The following BMP5 variants were observed in gnomAD, a reference collection of about 807,000 sequenced individuals.
BMP5 encodes bone morphogenetic protein 5.
In BMP5, 23 loss-of-function variants were observed where a neutral mutation model predicts 46.6. That is an observed-to-expected ratio of 0.49 (90% CI 0.35 to 0.70). The LOEUF is 0.70. Among genes scored for constraint, BMP5 ranks in the 30% least tolerant of loss-of-function variants. The pLI, the probability that BMP5 is intolerant of heterozygous loss-of-function variation, is 0.00. For synonymous variants in BMP5, 204 were observed against 191.9 expected (o/e 1.06, Z -0.52); for missense variants, 545 against 565.6 (o/e 0.96, Z 0.37).
intron 4 of BMP5, among the ~76,000 whole-genome samples, chr6:55,765,129 C>T (rs2127517592): frequency 6.6e-6 from 1 of 152,022 alleles, no homozygotes; most frequent in South Asian, 2.1e-4. Flanking sequence ...CATGGACTGT[C>T]AAAGTTCTGC....
intron 2 of BMP5, among the ~76,000 whole-genome samples, chr6:55,801,663 T>C (rs1775851142): frequency 6.6e-6 from 1 of 152,202 alleles, no homozygotes; most frequent in Non-Finnish European, 1.5e-5. Context: ...CCCAGGAGGA[T>C]AAATCTCCAC....
At chr6:55,837,721 T>A (rs1055049824) in intron 1 of BMP5, among the ~76,000 whole-genome samples, 2 of 152,164 alleles carry the variant, frequency 1.3e-5, no homozygotes, top group African/African-American at 4.8e-5. Context: ...ATAGTCATTC[T>A]GTTGTGCTAC....
chr6:55,775,547 A>G lies in BMP5; in HGVS notation c.833-1304T>C, dbSNP rs372549791. Reference sequence around the variant, plus strand: ...GCTACTCTAGATACAGAAGTTAGCAATCTTTTAAGAGTAACATATAATGTG... The same window carrying G: ...GCTACTCTAGATACAGAAGTTAGCAGTCTTTTAAGAGTAACATATAATGTG... On this transcript the variant is annotated intron_variant, in intron 3 of 6. Coordinates refer to ENST00000370830, the MANE Select transcript of BMP5 (RefSeq NM_021073.4). 4.7e-4 allele frequency among the ~76,000 whole-genome samples: 72 copies of G among 152,114 alleles called. No individual in the cohort carries two copies. The South Asian group carries it at 0.013, about 28-fold the overall frequency.
intron 1 of BMP5, among the ~76,000 whole-genome samples, chr6:55,826,481 T>G: frequency 6.6e-6 from 1 of 151,812 alleles, no homozygotes; most frequent in South Asian, 2.1e-4. Context: ...GTTGATTGAA[T>G]ATTAGTTTAC....
chr6:55,821,839 T>A (rs772203616), intron 1 of BMP5, among the ~76,000 whole-genome samples: 7 of 152,278 alleles, frequency 4.6e-5, no homozygotes, highest in African/African-American at 1.4e-4. Context: ...CCTAAGTAGC[T>A]AGTAACTGAT....
In BMP5 at chr6:55,794,397, T is replaced by A. The variant is rs1269807334; in HGVS notation, c.714A>T (p.Arg238Ser). ...RDADLFLLDT[R>S]KAQALDVGWL... ...AACCCACATCTAAAGCTTGGGCCTT[T>A]CTTGTGTCTAACAAGAACAGATCTG... The change falls in exon 3 of 7, where the codon AGA (arginine) becomes AGT (serine). Residue 238 changes from arginine (R) to serine (S), a missense_variant. Arg to Ser is a moderately radical substitution (Grantham distance 110, BLOSUM62 -1). Coordinates refer to ENST00000370830, the MANE Select transcript of BMP5 (RefSeq NM_021073.4). 6.2e-7 allele frequency: 1 copy of A among 1,613,884 alleles called. No homozygotes were observed. The highest frequency in any genetic ancestry group is 8.5e-7 in the Non-Finnish European group (1 of 1,179,906).
chr6:55,849,865 A>G (rs1481992783), intron 1 of BMP5, among the ~76,000 whole-genome samples: 2 of 152,102 alleles, frequency 1.3e-5, no homozygotes, highest in East Asian at 3.9e-4. Context: ...CAACATGTAG[A>G]TGAGGACTAT....
chr6:55,825,501 C>T (rs941497655), intron 1 of BMP5, among the ~76,000 whole-genome samples: 7 of 151,778 alleles, frequency 4.6e-5, no homozygotes, highest in African/African-American at 1.7e-4. Context: ...CCTAAGTGCT[C>T]TGAATTGTCA....
chr6:55,759,172 A>AAAAAAAAAAAAAAAAAAAAAAAC (rs1562023483), intron 5 of BMP5, 57 bp from the exon 6 acceptor site: 18 of 738,844 alleles, frequency 2.4e-5, no homozygotes, highest in South Asian at 1.5e-4. Context: ...AAAAAAAAAA[A>AAAAAAAAAAAAAAAAAAAAAAAC]AAAAAAAAAA....
chr6:55,774,313 G>C, intron 3 of BMP5, 70 bp from the exon 4 acceptor site: 3 of 1,461,598 alleles, frequency 2.1e-6, no homozygotes, highest in Non-Finnish European at 1.9e-6. Context: ...AATGAATTCT[G>C]AGGGTACTTT....
chr6:55,769,750 G>A (rs1775002373), intron 4 of BMP5, among the ~76,000 whole-genome samples: 1 of 151,902 alleles, frequency 6.6e-6, no homozygotes, highest in Non-Finnish European at 1.5e-5. Context: ...AAACTTGGAA[G>A]TCAAAACTAC....
intron 1 of BMP5, among the ~76,000 whole-genome samples, chr6:55,824,688 G>A (rs558668632): frequency 5.3e-5 from 8 of 151,012 alleles, no homozygotes; most frequent in African/African-American, 1.2e-4. Context: ...CATTTCTCTC[G>A]TGTGAGAATA....
At chr6:55,809,275 A>G (rs1468520315) in intron 2 of BMP5, among the ~76,000 whole-genome samples, 4 of 151,844 alleles carry the variant, frequency 2.6e-5, no homozygotes, top group South Asian at 2.1e-4. Flanking sequence ...GTGTAAATGT[A>G]TATGAGTTGT....
chr6:55,756,909 A>G (rs542242891), intron 6 of BMP5, among the ~76,000 whole-genome samples: 1 of 152,032 alleles, frequency 6.6e-6, no homozygotes, highest in East Asian at 1.9e-4. Context: ...TTCTCAATAT[A>G]TTAGTCACAA....
chr6:55,836,753 A>G (rs552015134), intron 1 of BMP5, among the ~76,000 whole-genome samples: 1 of 152,152 alleles, frequency 6.6e-6, no homozygotes, highest in East Asian at 1.9e-4. Context: ...GAGTGCTGTC[A>G]ACTCTACGTT....
At chr6:55,771,052 GT>G (rs1775036059) in intron 4 of BMP5, among the ~76,000 whole-genome samples, 1 of 151,748 alleles carries the variant, frequency 6.6e-6, no homozygotes, top group Non-Finnish European at 1.5e-5. Flanking sequence ...AACAAATGCT[GT>G]TGGAAAAAAT....
At chr6:55,856,683 C>T (rs2127552024) in intron 1 of BMP5, among the ~76,000 whole-genome samples, 1 of 152,006 alleles carries the variant, frequency 6.6e-6, no homozygotes, top group African/African-American at 2.4e-5. Context: ...ATTATCTATA[C>T]TTTTTATATT....
intron 1 of BMP5, among the ~76,000 whole-genome samples, chr6:55,846,341 ATATTT>A (rs1406191032): frequency 6.6e-6 from 1 of 151,988 alleles, no homozygotes; most frequent in African/African-American, 2.4e-5. Flanking sequence ...CATTTGGTTA[ATATTT>A]TATTTGGTGT....
At chr6:55,760,975 G>T (rs1317414211) in intron 4 of BMP5, among the ~76,000 whole-genome samples, 2 of 151,936 alleles carry the variant, frequency 1.3e-5, no homozygotes, top group Non-Finnish European at 2.9e-5. Context: ...TTACTTAGCT[G>T]ATTTTATTTT....
Sources: gnomAD v4.1 joint callset for allele counts (sites outside exome capture counted in the v4.1 genomes callset) on GRCh38, gnomAD v4.1.1 for gene constraint, MANE v1.5 for transcripts, NCBI Gene and HGNC (gene_info 2026-07-23, HGNC 2026-07-21) for gene names.